MID1: variants seen among roughly 807,000 people sequenced by gnomAD.
MID1 encodes midline 1.
MID1 carries 7 observed loss-of-function variants against 40.4 expected under a neutral mutation model. The observed-to-expected ratio is 0.17, with a 90% CI of 0.10 to 0.33. The LOEUF (loss-of-function observed/expected upper bound fraction) is 0.33, where lower values mean the gene tolerates loss of function less well. Ranked by LOEUF, MID1 falls within the 10% of genes least tolerant of loss-of-function variation. MID1 has a pLI of 1.00. For missense variants in MID1, 367 were observed against 558.5 expected (o/e 0.66, Z 3.46); for synonymous variants, 229 against 221.2 (o/e 1.04, Z -0.31).
At chrX:10,566,734 A>G (rs1298322542) in intron 2 of MID1, among the ~76,000 whole-genome samples, 154 bp downstream of exon 2, 3 of 111,918 alleles carry the variant, frequency 2.7e-5, no homozygotes, top group Non-Finnish European at 5.6e-5. Flanking sequence ...TTATTGTGTA[A>G]CATTTATAGG....
chrX:10,664,318 TG>T (rs760444553), intron 1 of MID1, among the ~76,000 whole-genome samples: 1 of 111,321 alleles, frequency 9.0e-6, no homozygotes, highest in Non-Finnish European at 1.9e-5. Context: ...TGTACCACCA[TG>T]TCCAGCTATT....
chrX:10,683,760 T>C (rs1373192277), intron 1 of MID1, among the ~76,000 whole-genome samples: 2 of 99,673 alleles, frequency 2.0e-5, no homozygotes, highest in East Asian at 3.0e-4. Context: ...CAGAAGGAAT[T>C]GCACGTCATC....
At chrX:10,714,932 T>C (rs1464363511) in intron 1 of MID1, among the ~76,000 whole-genome samples, 1 of 112,825 alleles carries the variant, frequency 8.9e-6, no homozygotes, top group Non-Finnish European at 1.9e-5. Flanking sequence ...AAAGTGTTTA[T>C]TGTTCTAATT....
At chrX:10,582,481 T>C (rs1935041773) in intron 1 of MID1, among the ~76,000 whole-genome samples, 1 of 112,125 alleles carries the variant, frequency 8.9e-6, no homozygotes, top group African/African-American at 3.2e-5. Flanking sequence ...TAGTTGTTAC[T>C]AGAAATCAGA....
At chrX:10,481,642 C>T (rs1930333156) in intron 5 of MID1, among the ~76,000 whole-genome samples, 1 of 110,582 alleles carries the variant, frequency 9.0e-6, no homozygotes, top group Admixed American at 9.6e-5. Flanking sequence ...GACCAGGTTT[C>T]ACCATGTTAG....
intron 2 of MID1, among the ~76,000 whole-genome samples, chrX:10,533,384 A>AAG (rs1302600182): frequency 6.5e-4 from 50 of 77,347 alleles, no homozygotes; most frequent in East Asian, 1.4e-3. Context: ...AAGAAAAAGA[A>AAG]AGAAAGAAAA....
At chrX:10,590,751 A>C (rs1005574476) in intron 1 of MID1, among the ~76,000 whole-genome samples, 9 of 112,357 alleles carry the variant, frequency 8.0e-5, no homozygotes, top group African/African-American at 2.9e-4. Flanking sequence ...GTTATCTTTG[A>C]GATAAATTAT....
rs189131578 is a variant in MID1, at chrX:10,456,796, C to T, written c.1448-1719G>A. Among the ~76,000 whole-genome samples, 301 of 111,614 alleles carry T rather than the reference C, an allele frequency of 2.7e-3. 2 individuals are homozygous for T. The highest frequency in any genetic ancestry group is 8.7e-3 in the African/African-American group (266 of 30,709). The stretch of plus-strand genomic sequence containing the variant: ...AGGTTGCAATGAGCCAAGACCATGC[C>T]GCTGCGCTCCAGCCTGGGCAACAGA... On this transcript the variant is annotated intron_variant, in intron 8 of 9. Transcript: ENST00000317552.
Position 10,639,709 on chromosome X carries a change from T to A in MID1, c.-186-19290A>T, listed in dbSNP as rs185498839. ...AGAAGAGCAATTCCAAGACACATAA[T>A]TGTCAGATTCACCATGGTCGAAATG... On this transcript the variant is annotated intron_variant, in intron 1 of 10. Transcript: ENST00000380785. 2.9e-3 allele frequency among the ~76,000 whole-genome samples: 321 copies of A among 110,943 alleles called. 7 individuals carry two copies. Among genetic ancestry groups the A allele is most frequent in the Admixed American group, 0.025 (265 of 10,428 alleles).
intron 1 of MID1, among the ~76,000 whole-genome samples, chrX:10,795,831 A>T (rs1251905553): frequency 8.9e-6 from 1 of 112,441 alleles, no homozygotes; most frequent in Non-Finnish European, 1.9e-5. Context: ...GCCATTAATC[A>T]GCAAACAATC....
intron 1 of MID1, among the ~76,000 whole-genome samples, chrX:10,568,854 C>A (rs754155124): frequency 4.6e-4 from 51 of 111,872 alleles, no homozygotes; most frequent in Non-Finnish European, 8.1e-4. Flanking sequence ...CCGCTTTGAA[C>A]CTTCTCCCTT....
At chrX:10,676,424 C>T (rs761738061) in intron 1 of MID1, among the ~76,000 whole-genome samples, 43 of 111,698 alleles carry the variant, frequency 3.8e-4, no homozygotes, top group African/African-American at 1.3e-3. Context: ...CTGACCCCTG[C>T]GCTTCAGTAA....
At chrX:10,690,319 A>G (rs1453299200) in intron 1 of MID1, among the ~76,000 whole-genome samples, 1 of 112,043 alleles carries the variant, frequency 8.9e-6, no homozygotes, top group Non-Finnish European at 1.9e-5. Context: ...TGACTTCAAA[A>G]AGCAGTATTT....
Position 10,567,409 on chromosome X carries a change from A to T in MID1, c.139T>A (p.Ser47Thr). Reference sequence around the variant, plus strand: ...TGGAAGGCGGTGATGGACTCCACAGACTCGTTGGTGGCACAGTGTGATACT... The same window carrying T: ...TGGAAGGCGGTGATGGACTCCACAGTCTCGTTGGTGGCACAGTGTGATACT... ...ILVSHCATNESVESITAFQCP... is the reference protein window; with the variant it reads ...ILVSHCATNETVESITAFQCP... Residue 47 changes from serine to threonine, a missense_variant, in exon 2 of 10, where the codon TCT (serine) becomes ACT (threonine). By Grantham distance (58) the Ser-to-Thr change is moderately conservative. Transcript: ENST00000317552. 1 of 1,207,361 alleles carries T rather than the reference A, an allele frequency of 8.3e-7. No individual in the cohort carries two copies.
At chrX:10,510,842 A>AG (rs1932104301) in intron 3 of MID1, among the ~76,000 whole-genome samples, 1 of 107,969 alleles carries the variant, frequency 9.3e-6, no homozygotes, top group African/African-American at 3.4e-5. Flanking sequence ...AAAAAAAAAA[A>AG]AAAAAAAAAA....
intron 7 of MID1, among the ~76,000 whole-genome samples, chrX:10,467,482 T>C (rs1020441006): frequency 8.9e-6 from 1 of 111,945 alleles, no homozygotes; most frequent in Admixed American, 9.5e-5. Context: ...AGAGAAGTCT[T>C]CCTGGAATTA....
At chrX:10,823,714 T>C (rs1397432610) in intron 1 of MID1, among the ~76,000 whole-genome samples, 1 of 110,620 alleles carries the variant, frequency 9.0e-6, no homozygotes, top group Non-Finnish European at 1.9e-5. Flanking sequence ...TGCTTTATCA[T>C]TGATAGTGAC....
rs760013716 is a variant in MID1 at position 10,489,820 on chromosome X, T to C, written c.864+5764A>G. Among the ~76,000 whole-genome samples the C allele has an allele frequency of 2.4e-4, 26 of 109,014 alleles. No homozygotes were observed. The South Asian group carries it at 5.0e-3, about 21-fold the overall frequency. The allele number at this position is 109,014 out of a possible 115,157, so 94.7% of individuals were successfully genotyped here. A position where few individuals can be genotyped will look rare whatever the true frequency, so the allele number is the denominator to read the frequency against. On this transcript the variant is annotated intron_variant, in intron 4 of 9. Coordinates refer to ENST00000317552, the MANE Select transcript of MID1 (RefSeq NM_000381.4). ...ACGCCATTCTCCTGCCTCAGCCTCC[T>C]GAGTAGCTGGGACTACAGGCTCCTG...
At chrX:10,474,274 C>A (rs1929875482) in intron 6 of MID1, among the ~76,000 whole-genome samples, 1 of 111,851 alleles carries the variant, frequency 8.9e-6, no homozygotes, top group Non-Finnish European at 1.9e-5. Flanking sequence ...CAGTTAGCTG[C>A]CAATTTTTTC....
Sources: gnomAD v4.1 joint callset for allele counts (sites outside exome capture counted in the v4.1 genomes callset) on GRCh38, gnomAD v4.1.1 for gene constraint, MANE v1.5 for transcripts, NCBI Gene and HGNC (gene_info 2026-07-23, HGNC 2026-07-21) for gene names.